The following GPNMB variants were observed in gnomAD, a reference collection of about 807,000 sequenced individuals.
The protein encoded by GPNMB is transmembrane glycoprotein NMB.
In GPNMB, 71 loss-of-function variants were observed where a neutral mutation model predicts 57.3. The ratio of observed to expected loss-of-function variants is 1.24; its 90% CI spans 1.02 to 1.51. The LOEUF (loss-of-function observed/expected upper bound fraction) is 1.51. Ranked by LOEUF, GPNMB falls within the 40% of genes most tolerant of loss-of-function variation. The pLI is 0.00. For missense variants in GPNMB, 677 were observed against 691.9 expected, an observed-to-expected ratio of 0.98 and a Z score of 0.24; for synonymous variants, 253 against 263.2, an observed-to-expected ratio of 0.96 and a Z score of 0.38.
intron 9 of GPNMB, among the ~76,000 whole-genome samples, chr7:23,270,754 T>C (rs1259171641): frequency 2.6e-5 from 4 of 152,136 alleles, no homozygotes; most frequent in Non-Finnish European, 5.9e-5. Flanking sequence ...ACTACTCTCT[T>C]CCCTCTGAAT....
chr7:23,251,316 G>A (rs1048988752), intron 1 of GPNMB, among the ~76,000 whole-genome samples: 3 of 152,140 alleles, frequency 2.0e-5, no homozygotes, highest in Admixed American at 6.5e-5. Flanking sequence ...ACCTCATGGA[G>A]GATCTCTCCC....
At chr7:23,264,779 A>C (rs1177969466) in intron 6 of GPNMB, among the ~76,000 whole-genome samples, 1 of 152,228 alleles carries the variant, frequency 6.6e-6, no homozygotes, top group Non-Finnish European at 1.5e-5. Flanking sequence ...TTAGCACTAA[A>C]GTATATGCAG....
rs771956192 is a variant in GPNMB, at chr7:23,260,787, G to C, written c.1018+14G>C. ...CCCCTTCTTTAGGTAAGGTTTCGCA[G>C]TGATCTTTGAGGGAGGCTCCTTAAT... On this transcript the variant is annotated intron_variant, in intron 6 of 10. Coordinates refer to ENST00000258733, the MANE Select transcript of GPNMB (RefSeq NM_002510.3). 99 of 1,509,432 alleles carry C rather than the reference G, an allele frequency of 6.6e-5. No homozygotes were observed. Among genetic ancestry groups the C allele is most frequent in the Non-Finnish European group, 8.7e-5 (98 of 1,131,354 alleles). The allele number at this position is 1,509,432 out of a possible 1,614,324, so 93.5% of individuals were successfully genotyped here. A position where few individuals can be genotyped will look rare whatever the true frequency, so the allele number is the denominator to read the frequency against.
At chr7:23,247,941 C>G (rs1046975488) in intron 1 of GPNMB, 14 of 152,336 alleles carry the variant, frequency 9.2e-5, no homozygotes, top group Non-Finnish European at 1.9e-4. Context: ...GCTTCCCACA[C>G]GAGGCCACGG....
chr7:23,251,719 A>G (rs541038109), intron 1 of GPNMB, among the ~76,000 whole-genome samples: 14 of 152,302 alleles, frequency 9.2e-5, no homozygotes, highest in African/African-American at 3.1e-4. Flanking sequence ...TTGTTCTCAC[A>G]TATCTCTTGT....
chr7:23,256,807 G>A (rs908064552), intron 3 of GPNMB, 85 bp from the exon 4 acceptor site: 11 of 1,107,230 alleles, frequency 9.9e-6, no homozygotes, highest in Middle Eastern at 2.0e-4. Flanking sequence ...AAAAAAATAC[G>A]AAAAAGTGTT....
chr7:23,270,045 T>G lies in GPNMB; in HGVS notation c.1299T>G (p.Asp433Glu), dbSNP rs34824876. The G allele has an allele frequency of 9.5e-4, 1,537 of 1,613,940 alleles. 14 individuals carry two copies. The African/African-American group carries it at 0.018, about 19-fold the overall frequency. Residue 433 changes from aspartate (D) to glutamate (E), a missense_variant, in exon 9 of 11, where the codon GAT (aspartate) becomes GAG (glutamate). Coordinates refer to ENST00000258733, the MANE Select transcript of GPNMB (RefSeq NM_002510.3). The stretch of plus-strand genomic sequence containing the variant: ...AGAACACAGTCTGCAGCCCTGTGGA[T>G]GTGGATGAGATGTGTCTGCTGACTG... Reference protein sequence around the residue: ...ITQNTVCSPVDVDEMCLLTVR... With the variant: ...ITQNTVCSPVEVDEMCLLTVR...
chr7:23,257,187 T>C (rs559835265), intron 4 of GPNMB, 122 bp downstream of exon 4: 103 of 902,876 alleles, frequency 1.1e-4, no homozygotes, highest in Middle Eastern at 6.5e-4. Flanking sequence ...CCCTGCTAAC[T>C]TTCCTTAGCA....
intron 7 of GPNMB, 29 bp downstream of exon 7, chr7:23,266,644 A>G: frequency 6.2e-7 from 1 of 1,608,684 alleles, no homozygotes. Flanking sequence ...ACCAGTGAGG[A>G]AGGATGCTAG....
chr7:23,257,111 A>C (rs755017002), intron 4 of GPNMB, 46 bp downstream of exon 4: 1 of 1,481,006 alleles, frequency 6.8e-7, no homozygotes, highest in South Asian at 1.1e-5. Flanking sequence ...CTTTCCTTAA[A>C]ATTTCAACCT....
Position 23,266,633 on chromosome 7 carries a change from G to A in GPNMB, c.1117+18G>A. On this transcript the variant is annotated intron_variant, in intron 7 of 10. Transcript: ENST00000258733. ...AATTGTAGGTAAGGCTGAAGATGAT[G>A]ACCAGTGAGGAAGGATGCTAGACTC... The A allele has an allele frequency of 6.2e-7, 1 of 1,611,356 alleles. No individual in the cohort carries two copies.
intron 1 of GPNMB, among the ~76,000 whole-genome samples, chr7:23,251,165 T>C (rs75630094): frequency 0.033 from 5,074 of 152,252 alleles, 229 homozygotes; most frequent in East Asian, 0.12. Context: ...ACTCCGACTT[T>C]GCTGCTCTTT....
intron 8 of GPNMB, among the ~76,000 whole-genome samples, chr7:23,268,490 C>G (rs1449700745): frequency 6.6e-6 from 1 of 152,152 alleles, no homozygotes; most frequent in Non-Finnish European, 1.5e-5. Flanking sequence ...TTACAAAGCT[C>G]TTTCCAATGC....
intron 1 of GPNMB, among the ~76,000 whole-genome samples, chr7:23,247,520 G>A (rs760498951): frequency 3.3e-5 from 5 of 152,222 alleles, no homozygotes; most frequent in Non-Finnish European, 4.4e-5. Flanking sequence ...TGGGAGTGGG[G>A]TCAGAGGATC....
At chr7:23,268,197 G>A (rs1376862130) in intron 8 of GPNMB, among the ~76,000 whole-genome samples, 4 of 152,196 alleles carry the variant, frequency 2.6e-5, no homozygotes, top group Non-Finnish European at 5.9e-5. Flanking sequence ...AATTGAGAAA[G>A]CTTTAACAAT....
chr7:23,256,834 G>A lies in GPNMB; in HGVS notation c.368-58G>A, dbSNP rs1311921673. The A allele has an allele frequency of 4.9e-6, 7 of 1,416,008 alleles. No homozygotes were observed. In the Admixed American group the frequency reaches 7.2e-5, roughly 14 times the overall value. 87.7% of individuals were successfully genotyped at this position (1,416,008 alleles called of 1,614,324 possible). ...AAAAGTGTTTAATTCAGTGATGCAT[G>A]CACATTGGGTTTTCTGAGCCTAGAT... On this transcript the variant is annotated intron_variant, in intron 3 of 10. Coordinates refer to ENST00000258733, the MANE Select transcript of GPNMB (RefSeq NM_002510.3).
At position 23,260,765 on chromosome 7, in the gene GPNMB, C is replaced by A; in HGVS notation, c.1010C>A (p.Pro337His). 1 of 1,539,504 alleles carries A rather than the reference C, an allele frequency of 6.5e-7. No homozygotes were observed. Among genetic ancestry groups the A allele is most frequent in the Non-Finnish European group, 8.7e-7 (1 of 1,144,928 alleles). The change falls in exon 6 of 11, where the codon CCT (proline) becomes CAT (histidine). Residue 337 changes from proline to histidine, a missense_variant. By Grantham distance (77) the Pro-to-His change is moderately conservative (BLOSUM62 -2). Transcript: ENST00000258733. ...PPPPRPSKPT[P>H]SLGPAGDNPL... ...CCACCCAGACCTTCAAAACCCACCC[C>A]TTCTTTAGGTAAGGTTTCGCAGTGA...
chr7:23,269,293 G>A (rs1471463728), intron 8 of GPNMB, among the ~76,000 whole-genome samples: 1 of 152,108 alleles, frequency 6.6e-6, no homozygotes, highest in Non-Finnish European at 1.5e-5. Context: ...GGCTGAAGCA[G>A]GAGAATCTCT....
At chr7:23,270,316 CT>C (rs1783172207) in intron 9 of GPNMB, 141 bp downstream of exon 9, 1 of 616,732 alleles carries the variant, frequency 1.6e-6, no homozygotes, top group South Asian at 2.0e-5. Context: ...TAATAAGGAT[CT>C]GAGGACTGGC....
Sources: gnomAD v4.1 joint callset for allele counts (sites outside exome capture counted in the v4.1 genomes callset) on GRCh38, gnomAD v4.1.1 for gene constraint, MANE v1.5 for transcripts, NCBI Gene and HGNC (gene_info 2026-07-23, HGNC 2026-07-21) for gene names.